FNDC3B: variants seen among roughly 807,000 people sequenced by gnomAD.
FNDC3B encodes fibronectin type III domain containing 3B, also known as fibronectin type III domain-containing protein 3B.
In FNDC3B, 12 loss-of-function variants were observed where a neutral mutation model predicts 151.5. That is an observed-to-expected ratio of 0.08 (90% CI 0.05 to 0.13). FNDC3B has a LOEUF of 0.13. Among genes scored for constraint, FNDC3B ranks in the 10% least tolerant of loss-of-function variants. The pLI, the probability that FNDC3B is intolerant of heterozygous loss-of-function variation, is 1.00. For missense variants in FNDC3B, 1,214 were observed against 1,505.3 expected (o/e 0.81, Z 3.20); for synonymous variants, 528 against 549.0 (o/e 0.96, Z 0.54).
intron 11 of FNDC3B, among the ~76,000 whole-genome samples, chr3:172,324,048 C>G (rs1732221799): frequency 6.6e-6 from 1 of 152,132 alleles, no homozygotes; most frequent in Admixed American, 6.6e-5. Flanking sequence ...CAGGTGAACT[C>G]TGTGGTAAGA....
intron 6 of FNDC3B, among the ~76,000 whole-genome samples, chr3:172,276,062 T>G (rs1394816998): frequency 2.0e-5 from 3 of 152,250 alleles, no homozygotes; most frequent in Non-Finnish European, 4.4e-5. Flanking sequence ...CTGGAAGATA[T>G]AGAAGATAGA....
intron 3 of FNDC3B, among the ~76,000 whole-genome samples, chr3:172,192,739 A>G (rs1724593120): frequency 6.6e-6 from 1 of 152,012 alleles, no homozygotes; most frequent in East Asian, 1.9e-4. Flanking sequence ...GAATATATAT[A>G]TATATATTTT....
At chr3:172,192,162 T>G (rs1724545431) in intron 3 of FNDC3B, among the ~76,000 whole-genome samples, 4 of 136,960 alleles carry the variant, frequency 2.9e-5, no homozygotes, top group Admixed American at 1.5e-4. Context: ...CTGTTTTTTT[T>G]GTGTGTGTTT....
At chr3:172,331,461 C>T (rs1206869264) in intron 13 of FNDC3B, among the ~76,000 whole-genome samples, 1 of 152,132 alleles carries the variant, frequency 6.6e-6, no homozygotes, top group Non-Finnish European at 1.5e-5. Context: ...AAGTTCATGC[C>T]ATTCTTCTGC....
At position 172,344,220 on chromosome 3, in the gene FNDC3B, G is replaced by T. The variant is rs376295496; in HGVS notation, c.2212G>T (p.Val738Leu). 6.2e-7 allele frequency: 1 copy of T among 1,614,036 alleles called. No homozygotes were observed. The highest frequency in any genetic ancestry group is 1.7e-5 in the Admixed American group (1 of 60,012). Residue 738 changes from valine to leucine, a missense_variant, in exon 19 of 26, where the codon GTG becomes TTG. Transcript: ENST00000415807. The part of the protein sequence containing the change: ...CTVGNLLPGT[V>L]YRFRVRALND... ...CGTCGGCAACCTGCTTCCTGGAACCGTGTATCGCTTCCGGGTGAGGGCTCT... is the reference window on the plus strand; with the variant it reads ...CGTCGGCAACCTGCTTCCTGGAACCTTGTATCGCTTCCGGGTGAGGGCTCT...
At chr3:172,162,526 A>G (rs770235397) in intron 3 of FNDC3B, among the ~76,000 whole-genome samples, 2 of 152,134 alleles carry the variant, frequency 1.3e-5, no homozygotes, top group African/African-American at 2.4e-5. Flanking sequence ...GCTGGGCCTT[A>G]TGGTAACTGT....
chr3:172,296,647 G>A (rs750845465), intron 8 of FNDC3B, among the ~76,000 whole-genome samples: 1 of 152,124 alleles, frequency 6.6e-6, no homozygotes. Flanking sequence ...GCTCATCACC[G>A]TTTTATTCTA....
chr3:172,108,124 C>T (rs780079959), intron 1 of FNDC3B, among the ~76,000 whole-genome samples: 3 of 151,396 alleles, frequency 2.0e-5, no homozygotes, highest in African/African-American at 2.4e-5. Flanking sequence ...GCTGAGATCA[C>T]GCCACTGCAC....
At chr3:172,107,356 A>G (rs763314805) in intron 1 of FNDC3B, among the ~76,000 whole-genome samples, 1 of 152,202 alleles carries the variant, frequency 6.6e-6, no homozygotes, top group Non-Finnish European at 1.5e-5. Context: ...AATGCGTTGT[A>G]GTAGAGATGA....
At chr3:172,223,784 C>T (rs765113896) in intron 3 of FNDC3B, among the ~76,000 whole-genome samples, 3 of 151,138 alleles carry the variant, frequency 2.0e-5, no homozygotes, top group Non-Finnish European at 4.4e-5. Context: ...GTAATAGTAA[C>T]AAAAAAAAAT....
intron 7 of FNDC3B, among the ~76,000 whole-genome samples, chr3:172,291,314 T>A (rs1730326303): frequency 6.6e-6 from 1 of 152,230 alleles, no homozygotes; most frequent in Non-Finnish European, 1.5e-5. Context: ...AAGTAGGAAG[T>A]AATTTTATGA....
chr3:172,225,911 C>A (rs932578750), intron 3 of FNDC3B: 2 of 152,212 alleles, frequency 1.3e-5, no homozygotes, highest in African/African-American at 4.8e-5. Context: ...GATCAGAAAA[C>A]TGAATTTCCT....
chr3:172,208,973 G>A (rs1725575849), intron 3 of FNDC3B, among the ~76,000 whole-genome samples: 1 of 152,162 alleles, frequency 6.6e-6, no homozygotes, highest in African/African-American at 2.4e-5. Context: ...GGAACACAGT[G>A]GCGCCTGAAA....
At chr3:172,284,870 G>C (rs747724463) in intron 6 of FNDC3B, among the ~76,000 whole-genome samples, 1 of 151,190 alleles carries the variant, frequency 6.6e-6, no homozygotes, top group Non-Finnish European at 1.5e-5. Flanking sequence ...ATCATATCTC[G>C]CTAGCGTTTA....
intron 4 of FNDC3B, among the ~76,000 whole-genome samples, chr3:172,240,969 C>T (rs1443159644): frequency 1.3e-5 from 2 of 152,036 alleles, no homozygotes; most frequent in Admixed American, 1.3e-4. Flanking sequence ...CACAGGATAG[C>T]AAGAATACTA....
Position 172,401,629 on chromosome 3 carries a change from A to G in FNDC3B, c.*4154A>G, listed in dbSNP as rs1576981523. 6.6e-6 allele frequency: 1 copy of G among 152,186 alleles called. No homozygotes were observed. The highest frequency in any genetic ancestry group is 2.4e-5 in the African/African-American group (1 of 41,418). 9.4% of individuals were successfully genotyped at this position (152,186 alleles called of 1,614,324 possible). ...TTCCTGCAGGTCTCATTCAACAACA[A>G]CAACAACAACAGCAATAAAACACAG... is the stretch of plus-strand genomic sequence containing the variant. On this transcript the variant is annotated 3_prime_UTR_variant, in exon 26 of 26. Coordinates refer to ENST00000415807, the MANE Select transcript of FNDC3B (RefSeq NM_022763.4).
intron 1 of FNDC3B, among the ~76,000 whole-genome samples, chr3:172,111,700 G>A (rs1318536376): frequency 6.6e-6 from 1 of 152,094 alleles, no homozygotes; most frequent in Admixed American, 6.5e-5. Context: ...TTTTATTTCT[G>A]TCATATCTAC....
intron 1 of FNDC3B, among the ~76,000 whole-genome samples, chr3:172,099,806 A>T (rs999660425): frequency 6.6e-6 from 1 of 152,242 alleles, no homozygotes; most frequent in Non-Finnish European, 1.5e-5. Flanking sequence ...AGACCCTGTC[A>T]GGTGAACTCT....
At chr3:172,209,656 G>A (rs979247666) in intron 3 of FNDC3B, among the ~76,000 whole-genome samples, 2 of 152,174 alleles carry the variant, frequency 1.3e-5, no homozygotes, top group Admixed American at 6.5e-5. Flanking sequence ...CCCAGTAGCC[G>A]ACTCCACCCA....
Sources: gnomAD v4.1 joint callset for allele counts (sites outside exome capture counted in the v4.1 genomes callset) on GRCh38, gnomAD v4.1.1 for gene constraint, MANE v1.5 for transcripts, NCBI Gene and HGNC (gene_info 2026-07-23, HGNC 2026-07-21) for gene names.